Variants in NLGN4Y observed in about 807,000 individuals in gnomAD.
The protein encoded by NLGN4Y is neuroligin-4, Y-linked.
NLGN4Y carries 4 observed loss-of-function variants against 8.4 expected under a neutral mutation model. The observed-to-expected ratio is 0.48, with a 90% CI of 0.23 to 1.09. The LOEUF is 1.09. Ranked by LOEUF, NLGN4Y falls within the 50% of genes least tolerant of loss-of-function variation. The pLI is 0.19. For synonymous variants in NLGN4Y, 35 were observed against 75.6 expected (o/e 0.46, Z 2.78); for missense variants, 90 against 192.3 (o/e 0.47, Z 3.15).
At chrY:14,775,859 C>A (rs371805485) in intron 4 of NLGN4Y, among the ~76,000 whole-genome samples, 3 of 32,553 alleles carry the variant, frequency 9.2e-5, no homozygotes, top group East Asian at 1.6e-3. Flanking sequence ...CCAAAGCAGT[C>A]TGCCAAACCC....
intron 2 of NLGN4Y, among the ~76,000 whole-genome samples, chrY:14,657,139 C>A (rs768837876): frequency 6.1e-5 from 2 of 32,630 alleles, no homozygotes; most frequent in Admixed American, 2.8e-4. Context: ...TATACCCCAC[C>A]CTTGAATTTC....
At chrY:14,709,546 C>T (rs2080893676) in intron 2 of NLGN4Y, among the ~76,000 whole-genome samples, 5 of 33,123 alleles carry the variant, frequency 1.5e-4, no homozygotes. Flanking sequence ...AACCTCACCT[C>T]TATTAAAAAT....
At chrY:14,752,610 T>C in intron 4 of NLGN4Y, among the ~76,000 whole-genome samples, 1 of 33,629 alleles carries the variant, frequency 3.0e-5, no homozygotes, top group East Asian at 7.7e-4. Context: ...TTTTGGTTAA[T>C]TGATTTGTAA....
chrY:14,626,495 G>A (rs745819985), intron 2 of NLGN4Y, among the ~76,000 whole-genome samples: 1 of 34,049 alleles, frequency 2.9e-5, no homozygotes, highest in African/African-American at 1.1e-4. Context: ...CTGACCTCGG[G>A]AGTGAAGCTG....
At chrY:14,823,877 C>T in intron 4 of NLGN4Y, among the ~76,000 whole-genome samples, 3 of 33,532 alleles carry the variant, frequency 8.9e-5, no homozygotes. Flanking sequence ...ATTTCTGCCA[C>T]AAAAATTGTT....
chrY:14,713,537 A>AT (rs2080905881), intron 2 of NLGN4Y, among the ~76,000 whole-genome samples: 1 of 33,588 alleles, frequency 3.0e-5, no homozygotes, highest in African/African-American at 1.2e-4. Flanking sequence ...GTTCACTGCA[A>AT]TGAGGTTCAA....
intron 5 of NLGN4Y, among the ~76,000 whole-genome samples, chrY:14,829,434 T>C: frequency 3.0e-5 from 1 of 33,233 alleles, no homozygotes; most frequent in South Asian, 6.6e-4. Flanking sequence ...CACTAAATTG[T>C]GGAAGAAAAA....
intron 2 of NLGN4Y, among the ~76,000 whole-genome samples, chrY:14,712,204 C>T (rs978758540): frequency 6.1e-5 from 2 of 32,898 alleles, no homozygotes; most frequent in Admixed American, 5.6e-4. Context: ...ATCCAGAAAT[C>T]GAACTTTCCT....
At chrY:14,753,737 G>T in intron 4 of NLGN4Y, among the ~76,000 whole-genome samples, 1 of 31,158 alleles carries the variant, frequency 3.2e-5, no homozygotes, top group Non-Finnish European at 7.7e-5. Flanking sequence ...ATAGTCCCTG[G>T]GTGATGTTGT....
intron 1 of NLGN4Y, among the ~76,000 whole-genome samples, chrY:14,604,534 A>G: frequency 3.0e-5 from 1 of 33,691 alleles, no homozygotes; most frequent in Non-Finnish European, 7.4e-5. Context: ...TCTTGGTAAC[A>G]TATAAATGAT....
chrY:14,575,332 A>G (rs2080293821), intron 1 of NLGN4Y, among the ~76,000 whole-genome samples: 1 of 32,577 alleles, frequency 3.1e-5, no homozygotes. Flanking sequence ...ACTTCATTGC[A>G]TTCATTTGAT....
At chrY:14,655,723 C>T (rs751004394) in intron 2 of NLGN4Y, among the ~76,000 whole-genome samples, 1 of 33,880 alleles carries the variant, frequency 3.0e-5, no homozygotes, top group Admixed American at 2.7e-4. Context: ...GTTGTTATTT[C>T]ATATATGATG....
At chrY:14,782,186 T>C (rs2042945931) in intron 4 of NLGN4Y, among the ~76,000 whole-genome samples, 2 of 33,229 alleles carry the variant, frequency 6.0e-5, no homozygotes, top group Non-Finnish European at 1.5e-4. Context: ...TCCATATCTA[T>C]TGGAATCATC....
intron 2 of NLGN4Y, among the ~76,000 whole-genome samples, chrY:14,629,818 T>TA (rs2080541827): frequency 2.4e-4 from 8 of 33,901 alleles, no homozygotes; most frequent in Admixed American, 5.4e-4. Flanking sequence ...GGACAGTTCT[T>TA]ACCACAAGGT....
chrY:14,748,889 A>G, intron 4 of NLGN4Y, among the ~76,000 whole-genome samples: 1 of 10,808 alleles, frequency 9.3e-5, no homozygotes, highest in Non-Finnish European at 1.4e-4. Flanking sequence ...AAAAAAAAAA[A>G]AAAAGAAAAA....
chrY:14,566,538 G>A (rs2080252383), intron 1 of NLGN4Y, among the ~76,000 whole-genome samples: 1 of 33,268 alleles, frequency 3.0e-5, no homozygotes, highest in African/African-American at 1.2e-4. Context: ...CTTAGAGACC[G>A]ACAAAGAGAC....
At chrY:14,554,758 C>G in intron 1 of NLGN4Y, among the ~76,000 whole-genome samples, 3 of 33,524 alleles carry the variant, frequency 8.9e-5, no homozygotes, top group African/African-American at 3.5e-4. Context: ...ATTCTGCCAG[C>G]AGATTAGGCA....
chrY:14,820,737 A>G, intron 4 of NLGN4Y, among the ~76,000 whole-genome samples: 1 of 33,394 alleles, frequency 3.0e-5, no homozygotes, highest in Non-Finnish European at 7.4e-5. Flanking sequence ...GTTGTCTTAC[A>G]GGCGTTAGGA....
At chrY:14,805,134 G>T (rs952934491) in intron 4 of NLGN4Y, among the ~76,000 whole-genome samples, 1 of 33,112 alleles carries the variant, frequency 3.0e-5, no homozygotes, top group African/African-American at 1.2e-4. Context: ...GGTTGTATCT[G>T]GTCCAGTACT....
Sources: allele counts gnomAD v4.1 joint callset (sites outside exome capture counted in the v4.1 genomes callset), GRCh38; gene constraint gnomAD v4.1.1; transcripts MANE v1.5; gene names NCBI Gene and HGNC (gene_info 2026-07-23, HGNC 2026-07-21).